The following ITPR1 variants were observed in gnomAD, a reference collection of about 807,000 sequenced individuals.
ITPR1 encodes inositol 1,4,5-trisphosphate receptor type 1, also known as inositol 1,4,5-trisphosphate-gated calcium channel ITPR1.
Under a neutral mutation model 318.4 loss-of-function variants are expected in ITPR1, and 96 were observed. That is an observed-to-expected ratio of 0.30 (90% CI 0.26 to 0.36). ITPR1 has a LOEUF of 0.36. Ranked by LOEUF, ITPR1 falls within the 10% of genes least tolerant of loss-of-function variation. ITPR1 has a pLI of 1.00. For synonymous variants in ITPR1, 1,312 were observed against 1,289.9 expected, an observed-to-expected ratio of 1.02 and a Z score of -0.37; for missense variants, 2,440 against 3,460.2, an observed-to-expected ratio of 0.71 and a Z score of 7.40.
chr3:4,831,048 C>G (rs1317735731), intron 60 of ITPR1: 3 of 456,182 alleles, frequency 6.6e-6, no homozygotes, highest in Middle Eastern at 3.2e-4. Context: ...CCCCACTTCT[C>G]AGAATGATTC....
chr3:4,776,217 A>T (rs1390264832), intron 47 of ITPR1, among the ~76,000 whole-genome samples: 2 of 152,120 alleles, frequency 1.3e-5, no homozygotes, highest in African/African-American at 4.8e-5. Context: ...CTACAGGTGC[A>T]TGCCATCATG....
intron 49 of ITPR1, among the ~76,000 whole-genome samples, chr3:4,781,317 T>C (rs2046823784): frequency 6.6e-6 from 1 of 152,114 alleles, no homozygotes; most frequent in Non-Finnish European, 1.5e-5. Context: ...TTAGTACAAA[T>C]TAGAGGTTGA....
At chr3:4,766,476 G>A in intron 44 of ITPR1, 54 bp from the exon 45 acceptor site, 1 of 1,476,078 alleles carries the variant, frequency 6.8e-7, no homozygotes, top group Non-Finnish European at 9.4e-7. Flanking sequence ...TCATGAGTGG[G>A]GTGCAGTTTC....
In ITPR1 at chr3:4,697,315, G is replaced by GGT. The variant is rs35795762; in HGVS notation, c.4407+80_4407+81dup. 128,221 of 841,962 alleles carry GGT rather than the reference G, an allele frequency of 0.15. 1,261 individuals carry two copies. The highest frequency in any genetic ancestry group is 0.22 in the East Asian group (6,598 of 30,200). 52.2% of individuals were successfully genotyped at this position (841,962 alleles called of 1,614,324 possible). On this transcript the variant is annotated intron_variant, in intron 34 of 61. Transcript: ENST00000649015. ...GAGGAGGCAGAGTTGGAGAGTGAGA[G>GGT]GTGTGTGTGTGTGTGTGTGTGTGTG...
intron 4 of ITPR1, among the ~76,000 whole-genome samples, chr3:4,523,968 A>G (rs2082765578): frequency 6.6e-6 from 1 of 152,326 alleles, no homozygotes; most frequent in Middle Eastern, 3.4e-3. Context: ...GCCTGGTTCT[A>G]CAGGTGGTCA....
At chr3:4,548,023 A>C (rs12639183) in intron 4 of ITPR1, among the ~76,000 whole-genome samples, 20,539 of 152,222 alleles carry the variant, frequency 0.13, 1,517 homozygotes, top group Middle Eastern at 0.17. Flanking sequence ...TGTTGAATTT[A>C]ATAATCAGAC....
intron 46 of ITPR1, among the ~76,000 whole-genome samples, chr3:4,773,101 G>T (rs1464669616): frequency 6.6e-6 from 1 of 152,248 alleles, no homozygotes; most frequent in Admixed American, 6.5e-5. Flanking sequence ...CGGTCCCTCT[G>T]TACGCACATC....
At chr3:4,602,676 C>T (rs1244544668) in intron 4 of ITPR1, among the ~76,000 whole-genome samples, 6 of 151,926 alleles carry the variant, frequency 3.9e-5, no homozygotes, top group Non-Finnish European at 8.8e-5. Flanking sequence ...ATTATTCAGT[C>T]ATAAAAAGGA....
chr3:4,832,139 C>T (rs2050561827), intron 60 of ITPR1, among the ~76,000 whole-genome samples: 1 of 152,100 alleles, frequency 6.6e-6, no homozygotes, highest in African/African-American at 2.4e-5. Flanking sequence ...CTCTCCCCCA[C>T]TTCAGTGCAG....
chr3:4,630,181 G>A (rs1032395479), intron 5 of ITPR1, among the ~76,000 whole-genome samples: 6 of 152,148 alleles, frequency 3.9e-5, no homozygotes, highest in Non-Finnish European at 8.8e-5. Context: ...GAAGGCGTGA[G>A]GAAGTAAGTG....
At chr3:4,831,344 T>C in intron 60 of ITPR1, 1 of 261,502 alleles carries the variant, frequency 3.8e-6, no homozygotes, top group Non-Finnish European at 7.8e-6. Context: ...TTCAGTTAGT[T>C]TGTCTGCTCC....
At chr3:4,745,321 T>C (rs1181129358) in intron 44 of ITPR1, among the ~76,000 whole-genome samples, 1 of 152,164 alleles carries the variant, frequency 6.6e-6, no homozygotes, top group African/African-American at 2.4e-5. Flanking sequence ...CAGTTTACTA[T>C]CTTTCAACAC....
At chr3:4,677,996 T>G (rs2125223303) in intron 24 of ITPR1, among the ~76,000 whole-genome samples, 1 of 152,328 alleles carries the variant, frequency 6.6e-6, no homozygotes, top group Non-Finnish European at 1.5e-5. Flanking sequence ...CAAAATCATC[T>G]GCTCCTTAAT....
At chr3:4,510,418 C>G (rs771538808) in intron 2 of ITPR1, among the ~76,000 whole-genome samples, 1 of 152,036 alleles carries the variant, frequency 6.6e-6, no homozygotes, top group Non-Finnish European at 1.5e-5. Flanking sequence ...TTCAGAGAAA[C>G]GAGTAGGAAG....
chr3:4,595,274 A>G lies in ITPR1; in HGVS notation c.164-32489A>G, dbSNP rs1270099892. On this transcript the variant is annotated intron_variant, in intron 4 of 61. Coordinates refer to ENST00000649015, the MANE Select transcript of ITPR1 (RefSeq NM_001378452.1). ...GCTCGGCTTCTGGGGAGGCTTCAGGAAACTTTGTCATGGTGGAAGGCAAAG... is the reference window on the plus strand; with the variant it reads ...GCTCGGCTTCTGGGGAGGCTTCAGGGAACTTTGTCATGGTGGAAGGCAAAG... Among the ~76,000 whole-genome samples, 5 of 152,190 alleles carry G rather than the reference A, an allele frequency of 3.3e-5. No homozygotes were observed. In the East Asian group the frequency reaches 9.6e-4, roughly 29 times the overall value.
chr3:4,513,854 G>C (rs905257121), intron 2 of ITPR1, among the ~76,000 whole-genome samples: 3 of 152,164 alleles, frequency 2.0e-5, no homozygotes, highest in Non-Finnish European at 4.4e-5. Flanking sequence ...GGGAGGCTGA[G>C]GCAGGCAGAT....
intron 5 of ITPR1, among the ~76,000 whole-genome samples, chr3:4,636,811 A>G (rs774923557): frequency 6.6e-6 from 1 of 152,206 alleles, no homozygotes; most frequent in South Asian, 2.1e-4. Context: ...CTTGCCTTTC[A>G]TATGTCTTTT....
chr3:4,577,216 G>A (rs1340563115), intron 4 of ITPR1, among the ~76,000 whole-genome samples: 2 of 152,342 alleles, frequency 1.3e-5, no homozygotes. Flanking sequence ...CGAGCCACAC[G>A]GCTCTCTGTG....
At chr3:4,625,676 C>T (rs973390977) in intron 4 of ITPR1, among the ~76,000 whole-genome samples, 8 of 152,164 alleles carry the variant, frequency 5.3e-5, no homozygotes, top group African/African-American at 1.4e-4. Context: ...CCTGCCTCAG[C>T]CTCCCGAGTA....
Sources: gnomAD v4.1 joint callset for allele counts (sites outside exome capture counted in the v4.1 genomes callset) on GRCh38, gnomAD v4.1.1 for gene constraint, MANE v1.5 for transcripts, NCBI Gene and HGNC (gene_info 2026-07-23, HGNC 2026-07-21) for gene names.